Variants in FAM227B observed in about 807,000 individuals in gnomAD.
FAM227B encodes the protein protein FAM227B.
Under a neutral mutation model 73.8 loss-of-function variants are expected in FAM227B, and 88 were observed. That is an observed-to-expected ratio of 1.19 (90% CI 1.00 to 1.42). The LOEUF is 1.42. Among genes scored for constraint, FAM227B ranks in the 40% most tolerant of loss-of-function variants. The probability of loss-of-function intolerance (pLI) is 0.00; values close to 1 mark genes in which losing one functional copy is unlikely to be tolerated. For synonymous variants in FAM227B, 210 were observed against 190.5 expected, an observed-to-expected ratio of 1.10 and a Z score of -0.84; for missense variants, 632 against 590.9, an observed-to-expected ratio of 1.07 and a Z score of -0.72.
chr15:49,420,758 T>C (rs570109035), intron 11 of FAM227B, among the ~76,000 whole-genome samples: 1 of 152,310 alleles, frequency 6.6e-6, no homozygotes, highest in East Asian at 1.9e-4. Context: ...TAGGCTGGAG[T>C]GCAGTTGTGC....
Position 49,504,264 on chromosome 15 carries a change from C to T in FAM227B, c.1012+3947G>A, listed in dbSNP as rs1480656843. 3.0e-3 allele frequency among the ~76,000 whole-genome samples: 345 copies of T among 116,150 alleles called. 3 individuals carry two copies. Among genetic ancestry groups the T allele is most frequent in the African/African-American group, 0.011 (307 of 28,712 alleles). 76.2% of individuals were successfully genotyped at this position (116,150 alleles called of 152,430 possible). On this transcript the variant is annotated intron_variant, in intron 11 of 15. Coordinates refer to ENST00000299338, the MANE Select transcript of FAM227B (RefSeq NM_152647.3). ...ACACAGGAAGGGGAACATCACACCC[C>T]GGGGCCTGTTGTGGGGTGGGGGGAG...
chr15:49,465,576 T>G (rs540520189), intron 11 of FAM227B, among the ~76,000 whole-genome samples: 1 of 141,744 alleles, frequency 7.1e-6, no homozygotes, highest in South Asian at 2.2e-4. Context: ...TCAAGAGAGA[T>G]TTAGCCAAAA....
intron 11 of FAM227B, among the ~76,000 whole-genome samples, chr15:49,397,785 A>G (rs1187444961): frequency 1.3e-5 from 2 of 152,190 alleles, no homozygotes; most frequent in Non-Finnish European, 2.9e-5. Context: ...TACTTTACAG[A>G]CAAGCAAATG....
intron 8 of FAM227B, among the ~76,000 whole-genome samples, chr15:49,574,017 A>G (rs1483727190): frequency 6.6e-6 from 1 of 152,170 alleles, no homozygotes; most frequent in African/African-American, 2.4e-5. Flanking sequence ...TCAACATTAT[A>G]AAATTACTTT....
chr15:49,471,314 T>C (rs1001900072), intron 11 of FAM227B, among the ~76,000 whole-genome samples: 1 of 151,348 alleles, frequency 6.6e-6, no homozygotes. Flanking sequence ...GCAAAACCCC[T>C]CCTCTACTAA....
intron 10 of FAM227B, among the ~76,000 whole-genome samples, chr15:49,532,080 T>C (rs927466588): frequency 2.0e-5 from 3 of 149,336 alleles, no homozygotes; most frequent in African/African-American, 2.4e-5. Flanking sequence ...CATAATATTA[T>C]ATAGATATTT....
chr15:49,506,315 G>T (rs1038056779), intron 11 of FAM227B, among the ~76,000 whole-genome samples: 1 of 151,726 alleles, frequency 6.6e-6, no homozygotes, highest in Admixed American at 6.6e-5. Flanking sequence ...TTTGTTTTAC[G>T]TTTTTGTTTT....
chr15:49,585,606 A>G (rs1342822158), intron 5 of FAM227B, among the ~76,000 whole-genome samples: 1 of 151,622 alleles, frequency 6.6e-6, no homozygotes, highest in Admixed American at 6.6e-5. Context: ...AAAACCAAAC[A>G]CTGCATGTTC....
At chr15:49,394,013 A>G (rs2047396230) in intron 11 of FAM227B, among the ~76,000 whole-genome samples, 1 of 152,194 alleles carries the variant, frequency 6.6e-6, no homozygotes, top group Non-Finnish European at 1.5e-5. Flanking sequence ...AATCTTTTTA[A>G]AATGCATCCC....
Position 49,482,148 on chromosome 15 carries a change from G to C in FAM227B, c.1012+26063C>G, listed in dbSNP as rs562565779. 8.7e-4 allele frequency among the ~76,000 whole-genome samples: 133 copies of C among 152,166 alleles called. 5 individuals carry two copies. The South Asian group carries it at 0.026, about 30-fold the overall frequency. ...ATAGGTAAAAGAATGTCTCAGGACTGTACCTTCATGTAGAAAATGTAATTA... is the reference window on the plus strand; with the variant it reads ...ATAGGTAAAAGAATGTCTCAGGACTCTACCTTCATGTAGAAAATGTAATTA... On this transcript the variant is annotated intron_variant, in intron 11 of 15. Coordinates refer to ENST00000299338, the MANE Select transcript of FAM227B (RefSeq NM_152647.3).
chr15:49,583,418 T>C (rs1598378639), intron 5 of FAM227B, among the ~76,000 whole-genome samples: 2 of 151,654 alleles, frequency 1.3e-5, no homozygotes, highest in African/African-American at 4.8e-5. Flanking sequence ...AGACCTCAAG[T>C]CATCCTCACT....
At chr15:49,416,242 T>C (rs2049202603) in intron 11 of FAM227B, among the ~76,000 whole-genome samples, 1 of 149,724 alleles carries the variant, frequency 6.7e-6, no homozygotes, top group Non-Finnish European at 1.5e-5. Context: ...TTCACCATTG[T>C]ATCTCCAAAA....
intron 11 of FAM227B, among the ~76,000 whole-genome samples, chr15:49,455,925 A>G (rs2053242243): frequency 6.6e-6 from 1 of 152,084 alleles, no homozygotes; most frequent in South Asian, 2.1e-4. Flanking sequence ...ATGTGTTGGA[A>G]ATTACTACAG....
intron 10 of FAM227B, among the ~76,000 whole-genome samples, chr15:49,534,492 G>A (rs1401905457): frequency 1.3e-5 from 2 of 151,764 alleles, no homozygotes; most frequent in Non-Finnish European, 3.0e-5. Flanking sequence ...TTTGACATGA[G>A]ATGAGAAATG....
Position 49,365,398 on chromosome 15 carries a change from C to G in FAM227B, c.1271+2050G>C, listed in dbSNP as rs1567159978. The stretch of plus-strand genomic sequence containing the variant: ...CATAGTATATATACGAAGAACCAGT[C>G]TAAACATCAACTCTTCTACAGTACG... On this transcript the variant is annotated intron_variant, in intron 13 of 15. Coordinates refer to ENST00000299338, the MANE Select transcript of FAM227B (RefSeq NM_152647.3). The G allele has an allele frequency of 5.3e-6, 6 of 1,121,986 alleles. No homozygotes were observed. In the African/African-American group the frequency reaches 6.1e-5, roughly 11 times the overall value. The allele number at this position is 1,121,986 out of a possible 1,614,324, so 69.5% of individuals were successfully genotyped here. A position where few individuals can be genotyped will look rare whatever the true frequency, so the allele number is the denominator to read the frequency against.
intron 13 of FAM227B, among the ~76,000 whole-genome samples, chr15:49,345,220 TTA>T (rs1025694630): frequency 1.3e-5 from 2 of 152,224 alleles, no homozygotes; most frequent in African/African-American, 2.4e-5. Context: ...AAATCAAGAA[TTA>T]TGTTTTATTT....
At chr15:49,476,212 G>GTTTTTTTTTTTTTTTTTTTTT (rs1567351529) in intron 11 of FAM227B, among the ~76,000 whole-genome samples, 1 of 81,256 alleles carries the variant, frequency 1.2e-5, no homozygotes. Flanking sequence ...TTATTTTGCT[G>GTTTTTTTTTTTTTTTTTTTTT]TTTTGTTTTT....
chr15:49,366,394 A>G (rs773129891), intron 13 of FAM227B: 3 of 808,018 alleles, frequency 3.7e-6, no homozygotes, highest in Non-Finnish European at 4.5e-6. Context: ...TGTTTTCAAG[A>G]AAATGGCAGC....
intron 11 of FAM227B, among the ~76,000 whole-genome samples, chr15:49,457,316 G>T (rs938894726): frequency 6.6e-6 from 1 of 151,886 alleles, no homozygotes; most frequent in South Asian, 2.1e-4. Context: ...TCAAATCAGC[G>T]TGTAAACTAC....
Sources: gnomAD v4.1 joint callset for allele counts (sites outside exome capture counted in the v4.1 genomes callset) on GRCh38, gnomAD v4.1.1 for gene constraint, MANE v1.5 for transcripts, NCBI Gene and HGNC (gene_info 2026-07-23, HGNC 2026-07-21) for gene names.